The following PHLPP1 variants were observed in gnomAD, a reference collection of about 807,000 sequenced individuals.
The protein encoded by PHLPP1 is PH domain and leucine rich repeat protein phosphatase 1.
PHLPP1 carries 42 observed loss-of-function variants against 117.2 expected under a neutral mutation model. The observed-to-expected ratio is 0.36, with a 90% CI of 0.28 to 0.46. The LOEUF is 0.46. PHLPP1 is among the 20% of genes least tolerant of loss of function. The probability of loss-of-function intolerance (pLI) is 1.00; values close to 1 mark genes in which losing one functional copy is unlikely to be tolerated. For synonymous variants in PHLPP1, 1,042 were observed against 970.7 expected (o/e 1.07, Z -1.37); for missense variants, 2,084 against 2,241.9 (o/e 0.93, Z 1.42).
At chr18:62,892,676 A>T (rs932515288) in intron 4 of PHLPP1, among the ~76,000 whole-genome samples, 1 of 151,576 alleles carries the variant, frequency 6.6e-6, no homozygotes, top group African/African-American at 2.4e-5. Flanking sequence ...GGAGATCGAG[A>T]CCATCCTGGC....
intron 3 of PHLPP1, among the ~76,000 whole-genome samples, chr18:62,858,268 T>C (rs1167717393): frequency 6.6e-6 from 1 of 151,170 alleles, no homozygotes; most frequent in Non-Finnish European, 1.5e-5. Flanking sequence ...GAACCTTTTT[T>C]TTTTTTTTTT....
intron 1 of PHLPP1, among the ~76,000 whole-genome samples, chr18:62,734,226 A>G (rs757786018): frequency 4.6e-5 from 7 of 152,108 alleles, no homozygotes; most frequent in Non-Finnish European, 8.8e-5. Flanking sequence ...GTTTGGTATC[A>G]TACGTACACC....
intron 1 of PHLPP1, among the ~76,000 whole-genome samples, chr18:62,804,918 C>A (rs1913898494): frequency 6.7e-6 from 1 of 149,038 alleles, no homozygotes; most frequent in East Asian, 2.0e-4. Context: ...GTATAATATA[C>A]ACTGCATAGG....
chr18:62,797,193 T>C (rs917144561), intron 1 of PHLPP1, among the ~76,000 whole-genome samples: 12 of 152,232 alleles, frequency 7.9e-5, no homozygotes, highest in African/African-American at 2.4e-4. Context: ...CCAAAACTTT[T>C]TTTATTCCTT....
chr18:62,740,236 T>G (rs1325932605), intron 1 of PHLPP1, among the ~76,000 whole-genome samples: 1 of 152,150 alleles, frequency 6.6e-6, no homozygotes, highest in African/African-American at 2.4e-5. Flanking sequence ...GGGTAGTAAA[T>G]AACCAAGCTG....
intron 3 of PHLPP1, among the ~76,000 whole-genome samples, chr18:62,857,039 T>C (rs1362820383): frequency 6.6e-6 from 1 of 152,172 alleles, no homozygotes; most frequent in Non-Finnish European, 1.5e-5. Context: ...TGAAGTATAT[T>C]AAGGGCTCAC....
intron 10 of PHLPP1, among the ~76,000 whole-genome samples, chr18:62,927,961 A>G (rs919056788): frequency 2.6e-5 from 4 of 152,196 alleles, no homozygotes; most frequent in African/African-American, 9.6e-5. Context: ...ATAAATAATT[A>G]TGACCACCAG....
rs1599025540 is a variant in PHLPP1, at chr18:62,750,783, T to A, written c.1576+33524T>A. 2.6e-5 allele frequency among the ~76,000 whole-genome samples: 4 copies of A among 152,090 alleles called. No individual in the cohort carries two copies. The East Asian group carries it at 7.7e-4, about 29-fold the overall frequency. ...CTGTGATTCATTAATGTATTTTTTC[T>A]TGCTGCATTTCAAAAAACTCCCTGC... On this transcript the variant is annotated intron_variant, in intron 1 of 16. Transcript: ENST00000262719.
Position 62,979,846 on chromosome 18 carries a change from C to G in PHLPP1, c.*415C>G, listed in dbSNP as rs1215001205. ...TCTGTATTTCTTTGGGGGGAAAAGG[C>G]TTTTGTTTTGTTTTGTTTTGTTTTG... On this transcript the variant is annotated 3_prime_UTR_variant, in exon 17 of 17. Coordinates refer to ENST00000262719, the MANE Select transcript of PHLPP1 (RefSeq NM_194449.4). The G allele has an allele frequency of 1.2e-5, 2 of 161,970 alleles. No homozygotes were observed. The highest frequency in any genetic ancestry group is 4.9e-5 in the African/African-American group (2 of 41,236). 10.0% of individuals were successfully genotyped at this position (161,970 alleles called of 1,614,324 possible).
chr18:62,949,097 T>C (rs1334646487), intron 12 of PHLPP1, among the ~76,000 whole-genome samples: 3 of 152,190 alleles, frequency 2.0e-5, no homozygotes, highest in Non-Finnish European at 4.4e-5. Flanking sequence ...TTAACACTGT[T>C]TCTTGAAAAT....
intron 1 of PHLPP1, among the ~76,000 whole-genome samples, chr18:62,795,229 G>A (rs1194848773): frequency 6.6e-6 from 1 of 151,992 alleles, no homozygotes; most frequent in East Asian, 1.9e-4. Context: ...TGTAATCCCA[G>A]CACTTTGGGA....
In PHLPP1 at chr18:62,874,689, ACACTCT is replaced by A. The variant is rs202179322; in HGVS notation, c.2066+14090_2066+14095del. Reference sequence around the variant, plus strand: ...CACACACACACACACACACACACACACACTCTCGCTCTCTGTCTCTCTCTGTCTCTC... The same window carrying A: ...CACACACACACACACACACACACACACGCTCTCTGTCTCTCTCTGTCTCTC... On this transcript the variant is annotated intron_variant, in intron 4 of 16. Transcript: ENST00000262719. Among the ~76,000 whole-genome samples, 213 of 128,462 alleles carry A rather than the reference ACACTCT, an allele frequency of 1.7e-3. 2 individuals carry two copies. Among genetic ancestry groups the A allele is most frequent in the African/African-American group, 6.4e-3 (204 of 31,684 alleles). 84.3% of individuals were successfully genotyped at this position (128,462 alleles called of 152,430 possible).
At chr18:62,801,580 G>A (rs1376754149) in intron 1 of PHLPP1, among the ~76,000 whole-genome samples, 1 of 151,938 alleles carries the variant, frequency 6.6e-6, no homozygotes, top group African/African-American at 2.4e-5. Flanking sequence ...AGCCTCTTGA[G>A]TAGCTGAGAC....
intron 1 of PHLPP1, among the ~76,000 whole-genome samples, chr18:62,766,938 A>G (rs1195229134): frequency 6.6e-6 from 1 of 152,204 alleles, no homozygotes; most frequent in Non-Finnish European, 1.5e-5. Context: ...GTATAGATTT[A>G]TAAATGTTCT....
intron 10 of PHLPP1, among the ~76,000 whole-genome samples, chr18:62,924,260 T>TA (rs1412000628): frequency 6.6e-6 from 1 of 152,196 alleles, no homozygotes; most frequent in Non-Finnish European, 1.5e-5. Context: ...ATACAAATCT[T>TA]AAAAATATGG....
Position 62,888,287 on chromosome 18 carries a change from ATGTGTGTGTGTGTGTGTG to A in PHLPP1, c.2067-6694_2067-6677del, listed in dbSNP as rs200659921. Reference sequence around the variant, plus strand: ...AGAATTATTTAAAATATTTCACAAAATGTGTGTGTGTGTGTGTGTGTGTGTGTGTGTGTGTGTGTGTGT... The same window carrying A: ...AGAATTATTTAAAATATTTCACAAAATGTGTGTGTGTGTGTGTGTGTGTGT... On this transcript the variant is annotated intron_variant, in intron 4 of 16. Coordinates refer to ENST00000262719, the MANE Select transcript of PHLPP1 (RefSeq NM_194449.4). Among the ~76,000 whole-genome samples, 43 of 130,898 alleles carry A rather than the reference ATGTGTGTGTGTGTGTGTG, an allele frequency of 3.3e-4. 1 individual carries two copies. The highest frequency in any genetic ancestry group is 3.0e-3 in the South Asian group (12 of 3,966). 85.9% of individuals were successfully genotyped at this position (130,898 alleles called of 152,430 possible).
At position 62,812,324 on chromosome 18, in the gene PHLPP1, T is replaced by G. The variant is rs1005186369; in HGVS notation, c.1577-17711T>G. ...AGAAGAAACACCACAGCACTCCTGA[T>G]AAAAGCATGTCACAGTGAAAACTTG... On this transcript the variant is annotated intron_variant, in intron 1 of 16. Coordinates refer to ENST00000262719, the MANE Select transcript of PHLPP1 (RefSeq NM_194449.4). Among the ~76,000 whole-genome samples, 7 of 152,286 alleles carry G rather than the reference T, an allele frequency of 4.6e-5. No homozygotes were observed. In the East Asian group the frequency reaches 1.2e-3, roughly 25 times the overall value.
At chr18:62,861,987 A>G (rs1915642882) in intron 4 of PHLPP1, among the ~76,000 whole-genome samples, 1 of 152,246 alleles carries the variant, frequency 6.6e-6, no homozygotes, top group African/African-American at 2.4e-5. Context: ...TTTGGAGAGT[A>G]CTACTCCGTT....
chr18:62,763,927 C>T (rs1352899231), intron 1 of PHLPP1, among the ~76,000 whole-genome samples: 1 of 152,080 alleles, frequency 6.6e-6, no homozygotes, highest in Non-Finnish European at 1.5e-5. Context: ...CTTTGGGAGG[C>T]TGAGGCGGGT....
Sources: allele counts gnomAD v4.1 joint callset (sites outside exome capture counted in the v4.1 genomes callset), GRCh38; gene constraint gnomAD v4.1.1; transcripts MANE v1.5; gene names NCBI Gene and HGNC (gene_info 2026-07-23, HGNC 2026-07-21).